ATL1: variants seen among roughly 807,000 people sequenced by gnomAD.
ATL1 encodes atlastin GTPase 1.
In ATL1, 31 loss-of-function variants were observed where a neutral mutation model predicts 75.5. The ratio of observed to expected loss-of-function variants is 0.41; its 90% CI spans 0.31 to 0.55. The LOEUF (loss-of-function observed/expected upper bound fraction) is 0.55, where lower values mean the gene tolerates loss of function less well. Among genes scored for constraint, ATL1 ranks in the 20% least tolerant of loss-of-function variants. The pLI is 0.27. For synonymous variants in ATL1, 226 were observed against 233.3 expected, an observed-to-expected ratio of 0.97 and a Z score of 0.28; for missense variants, 405 against 662.6, an observed-to-expected ratio of 0.61 and a Z score of 4.27.
rs1595597911 is a variant in ATL1, at chr14:50,587,828, C to T, written c.35-3C>T. The T allele has an allele frequency of 3.1e-6, 5 of 1,614,170 alleles. No individual in the cohort carries two copies. The highest frequency in any genetic ancestry group is 4.5e-5 in the East Asian group (2 of 44,888). ...CTGAACCAGTCACTGCTCTGTTCAA[C>T]AGGTGGATTTTCGGAAAAGACATAT... On this transcript the variant is annotated splice_polypyrimidine_tract_variant and splice_region_variant and intron_variant, in intron 1 of 13. Transcript: ENST00000358385.
chr14:50,624,559 A>G (rs926938685), intron 11 of ATL1, among the ~76,000 whole-genome samples: 4 of 152,108 alleles, frequency 2.6e-5, no homozygotes, highest in Middle Eastern at 3.4e-3. Context: ...CCTGAGGCAC[A>G]ACAATATTGA....
chr14:50,587,902 C>G lies in ATL1; in HGVS notation c.106C>G (p.Gln36Glu). The G allele has an allele frequency of 6.2e-7, 1 of 1,614,014 alleles. No homozygotes were observed. The highest frequency in any genetic ancestry group is 2.2e-5 in the East Asian group (1 of 44,874). ...GCCAGTGAAAAAGGCAGGACCAGTC[C>G]AAGTCCTCATTGTCAAAGATGACCA... is the stretch of plus-strand genomic sequence containing the variant. ...EEPVKKAGPV[Q>E]VLIVKDDHSF... The change falls in exon 2 of 14, where the codon CAA becomes GAA. Residue 36 changes from glutamine (Q) to glutamate (E), a missense_variant. Coordinates refer to ENST00000358385, the MANE Select transcript of ATL1 (RefSeq NM_015915.5).
intron 1 of ATL1, among the ~76,000 whole-genome samples, chr14:50,581,171 G>T (rs2039051890): frequency 6.9e-6 from 1 of 145,598 alleles, no homozygotes; most frequent in Non-Finnish European, 1.5e-5. Context: ...ATCTTTTCTT[G>T]TCTTTGAATC....
chr14:50,595,597 C>T lies in ATL1; in HGVS notation c.595C>T (p.Leu199=), dbSNP rs1342162134. 6.2e-7 allele frequency: 1 copy of T among 1,613,572 alleles called. No individual in the cohort carries two copies. Among genetic ancestry groups the T allele is most frequent in the African/African-American group, 1.3e-5 (1 of 74,802 alleles). ...CTAGCTTTTCACTGAGTATGGCAGA[C>T]TGGCAATGGAGGAAACATTCCTGAA... ...HLQLFTEYGR[L]AMEETFLKPF... Residue 199 remains leucine (L), a synonymous_variant, in exon 6 of 14, where the codon CTG becomes TTG. Coordinates refer to ENST00000358385, the MANE Select transcript of ATL1 (RefSeq NM_015915.5).
intron 6 of ATL1, among the ~76,000 whole-genome samples, chr14:50,611,001 G>A (rs776125113): frequency 6.6e-6 from 1 of 151,968 alleles, no homozygotes; most frequent in Non-Finnish European, 1.5e-5. Context: ...ATTATTTCTG[G>A]ACTGGGCATA....
At chr14:50,565,686 A>C (rs2038896970) in intron 1 of ATL1, among the ~76,000 whole-genome samples, 1 of 152,114 alleles carries the variant, frequency 6.6e-6, no homozygotes, top group Non-Finnish European at 1.5e-5. Context: ...CCTTTGCTGC[A>C]TTTCAGACTC....
intron 1 of ATL1, among the ~76,000 whole-genome samples, chr14:50,538,681 C>T (rs2038523839): frequency 6.6e-6 from 1 of 152,202 alleles, no homozygotes; most frequent in South Asian, 2.1e-4. Context: ...CTGCATAGCT[C>T]TTGCAGGATT....
At chr14:50,545,901 A>G (rs1322382088) in intron 1 of ATL1, among the ~76,000 whole-genome samples, 1 of 152,242 alleles carries the variant, frequency 6.6e-6, no homozygotes, top group Non-Finnish European at 1.5e-5. Flanking sequence ...AGAAAAATCC[A>G]GAGCTCAAAT....
chr14:50,620,893 G>A (rs2039461533), intron 9 of ATL1, among the ~76,000 whole-genome samples, 167 bp downstream of exon 9: 1 of 152,132 alleles, frequency 6.6e-6, no homozygotes, highest in Non-Finnish European at 1.5e-5. Context: ...AAACCTTTCA[G>A]AAAGCTTACT....
chr14:50,592,287 A>G (rs2039166227), intron 4 of ATL1, among the ~76,000 whole-genome samples: 1 of 152,188 alleles, frequency 6.6e-6, no homozygotes, highest in African/African-American at 2.4e-5. Flanking sequence ...TTTTCAATCC[A>G]CTGGCAAAAG....
intron 1 of ATL1, among the ~76,000 whole-genome samples, chr14:50,547,911 C>T (rs939663617): frequency 1.3e-5 from 2 of 152,222 alleles, no homozygotes; most frequent in Non-Finnish European, 2.9e-5. Flanking sequence ...CACAACCCCA[C>T]CATCTATCAC....
intron 5 of ATL1, among the ~76,000 whole-genome samples, chr14:50,594,603 G>A (rs2039194957): frequency 6.6e-6 from 1 of 152,244 alleles, no homozygotes; most frequent in East Asian, 1.9e-4. Context: ...TACAACTGGC[G>A]ACAGTACTGA....
chr14:50,546,393 TGA>T (rs984802633), intron 1 of ATL1, among the ~76,000 whole-genome samples: 15 of 151,796 alleles, frequency 9.9e-5, no homozygotes, highest in East Asian at 1.9e-4. Flanking sequence ...TGTGTGTGTG[TGA>T]GAGAGCATAC....
chr14:50,595,085 G>C (rs891372030), intron 5 of ATL1, among the ~76,000 whole-genome samples: 8 of 151,590 alleles, frequency 5.3e-5, no homozygotes, highest in Admixed American at 3.9e-4. Context: ...TAAGCTAAAT[G>C]CCTAATGCTT....
intron 6 of ATL1, among the ~76,000 whole-genome samples, chr14:50,609,390 TA>T (rs201435218): frequency 6.6e-6 from 1 of 151,084 alleles, no homozygotes; most frequent in Non-Finnish European, 1.5e-5. Context: ...TGTGCCAAAT[TA>T]AAAAAAAACT....
intron 1 of ATL1, among the ~76,000 whole-genome samples, chr14:50,579,942 A>G (rs2039040619): frequency 1.3e-5 from 2 of 152,204 alleles, no homozygotes; most frequent in African/African-American, 4.8e-5. Flanking sequence ...TTACTAGATG[A>G]TCAGGTTTTA....
intron 1 of ATL1, among the ~76,000 whole-genome samples, 184 bp from the exon 2 acceptor site, chr14:50,587,647 G>A (rs941655076): frequency 2.3e-4 from 35 of 152,050 alleles, no homozygotes; most frequent in African/African-American, 8.2e-4. Context: ...GGGCTCAAGC[G>A]ATCCTCCCAC....
intron 6 of ATL1, among the ~76,000 whole-genome samples, chr14:50,603,517 GGAC>G (rs148508240): frequency 0.022 from 3,384 of 152,184 alleles, 104 homozygotes; most frequent in African/African-American, 0.076. Context: ...TATTACATTA[GGAC>G]AAGTACTGTT....
intron 11 of ATL1, among the ~76,000 whole-genome samples, chr14:50,625,319 G>C (rs541554737): frequency 1.3e-5 from 2 of 152,290 alleles, no homozygotes; most frequent in South Asian, 4.1e-4. Context: ...GGTTCATGAG[G>C]TTTAAGAAGC....
Sources: allele counts gnomAD v4.1 joint callset (sites outside exome capture counted in the v4.1 genomes callset), GRCh38; gene constraint gnomAD v4.1.1; transcripts MANE v1.5; gene names NCBI Gene and HGNC (gene_info 2026-07-23, HGNC 2026-07-21).